The following IL1R1 variants were observed in gnomAD, a reference collection of about 807,000 sequenced individuals.
The protein encoded by IL1R1 is interleukin-1 receptor type 1.
A neutral mutation model predicts 50.2 loss-of-function variants in IL1R1; 22 were observed. That is an observed-to-expected ratio of 0.44 (90% CI 0.31 to 0.63). The LOEUF is 0.63. Ranked by LOEUF, IL1R1 falls within the 20% of genes least tolerant of loss-of-function variation. The probability of loss-of-function intolerance (pLI) is 0.07; values close to 1 mark genes in which losing one functional copy is unlikely to be tolerated. For missense variants in IL1R1, 509 were observed against 676.2 expected (o/e 0.75, Z 2.74); for synonymous variants, 251 against 236.7 (o/e 1.06, Z -0.55).
intron 1 of IL1R1, among the ~76,000 whole-genome samples, chr2:102,137,044 C>A (rs1352664015): frequency 6.6e-6 from 1 of 152,174 alleles, no homozygotes; most frequent in African/African-American, 2.4e-5. Flanking sequence ...AAAACTAAAC[C>A]TATTTGACCA....
At position 102,165,146 on chromosome 2, in the gene IL1R1, A is replaced by C. The variant is rs1326062963; in HGVS notation, c.328A>C (p.Ser110Arg). Residue 110 changes from serine (S) to arginine (R), a missense_variant, in exon 5 of 12, where the codon AGT (serine) becomes CGT (arginine). Ser to Arg is a moderately radical substitution (Grantham distance 110). Transcript: ENST00000410023. ...NSSYCLRIKI[S>R]AKFVENEPNL... ...ATCTTACTGCCTCAGAATTAAAATA[A>C]GTGCAAAATTTGTGGAGAATGAGCC... is the stretch of plus-strand genomic sequence containing the variant. The C allele has an allele frequency of 6.3e-7, 1 of 1,578,626 alleles. No individual in the cohort carries two copies. Among genetic ancestry groups the C allele is most frequent in the Non-Finnish European group, 8.6e-7 (1 of 1,168,712 alleles).
intron 10 of IL1R1, among the ~76,000 whole-genome samples, 178 bp downstream of exon 10, chr2:102,174,908 C>G (rs922305508): frequency 6.6e-6 from 1 of 152,096 alleles, no homozygotes; most frequent in African/African-American, 2.4e-5. Context: ...GGCTGAATAT[C>G]ATTGTTTTCT....
At chr2:102,124,962 G>A (rs936651261) in intron 1 of IL1R1, among the ~76,000 whole-genome samples, 2 of 152,044 alleles carry the variant, frequency 1.3e-5, no homozygotes, top group Non-Finnish European at 2.9e-5. Context: ...CCACTATCAC[G>A]AGAACAGCAT....
intron 1 of IL1R1, among the ~76,000 whole-genome samples, chr2:102,130,066 C>T (rs2104413696): frequency 6.6e-6 from 1 of 152,254 alleles, no homozygotes; most frequent in Admixed American, 6.5e-5. Flanking sequence ...TTCTGGAAAT[C>T]TCTTTAATGC....
intron 1 of IL1R1, among the ~76,000 whole-genome samples, chr2:102,108,244 G>A (rs78411086): frequency 1.4e-5 from 2 of 145,906 alleles, no homozygotes; most frequent in Non-Finnish European, 3.0e-5. Flanking sequence ...GTGTGTGTGG[G>A]GGGGGGTGTG....
intron 1 of IL1R1, among the ~76,000 whole-genome samples, chr2:102,113,817 C>T (rs2104374133): frequency 6.6e-6 from 1 of 152,284 alleles, no homozygotes; most frequent in Admixed American, 6.5e-5. Flanking sequence ...TTCACATTGC[C>T]TCTGTTCCTT....
At chr2:102,172,031 CTTTTTTTTTTTTT>C in intron 8 of IL1R1, 113 bp downstream of exon 8, 3 of 85,320 alleles carry the variant, frequency 3.5e-5, no homozygotes, top group Non-Finnish European at 4.2e-5. Flanking sequence ...CCTTTGCTGC[CTTTTTTTTTTTTT>C]TTTTTTTTTT....
At chr2:102,133,827 A>G (rs1026247225) in intron 1 of IL1R1, among the ~76,000 whole-genome samples, 2 of 152,148 alleles carry the variant, frequency 1.3e-5, no homozygotes, top group African/African-American at 4.8e-5. Flanking sequence ...CTATCCTCCT[A>G]GGATCAGGAA....
Position 102,164,997 on chromosome 2 carries a change from T to C in IL1R1, c.285T>C (p.Tyr95=), listed in dbSNP as rs200441333. The part of the protein sequence containing the change: ...PAKVEDSGHY[Y]CVVRNSSYCL... Reference sequence around the variant, plus strand: ...AGGTGGAGGATTCAGGACATTACTATTGCGTGGTAAGGTAAGAGAGGAATT... The same window carrying C: ...AGGTGGAGGATTCAGGACATTACTACTGCGTGGTAAGGTAAGAGAGGAATT... Residue 95 remains tyrosine, a synonymous_variant, in exon 4 of 12, where the codon TAT becomes TAC. Transcript: ENST00000410023. 14 of 1,612,970 alleles carry C rather than the reference T, an allele frequency of 8.7e-6. No homozygotes were observed. Among genetic ancestry groups the C allele is most frequent in the Non-Finnish European group, 1.2e-5 (14 of 1,179,334 alleles).
At chr2:102,119,076 G>A (rs919567515) in intron 1 of IL1R1, among the ~76,000 whole-genome samples, 3 of 148,192 alleles carry the variant, frequency 2.0e-5, no homozygotes, top group Non-Finnish European at 3.0e-5. Flanking sequence ...TCTATCTCAC[G>A]TTTATTTTAG....
chr2:102,098,227 G>A lies in IL1R1; in HGVS notation c.-84+27694G>A, dbSNP rs904523116. Reference sequence around the variant, plus strand: ...ATATCTATTCTTGATACTCTCTTGGGAAACCAGGAAGAGAGGAGGTCATTC... The same window carrying A: ...ATATCTATTCTTGATACTCTCTTGGAAAACCAGGAAGAGAGGAGGTCATTC... On this transcript the variant is annotated intron_variant, in intron 1 of 11. Coordinates refer to the IL1R1 transcript ENST00000409929. 3.9e-5 allele frequency among the ~76,000 whole-genome samples: 6 copies of A among 152,162 alleles called. No homozygotes were observed. In the South Asian group the frequency reaches 1.0e-3, roughly 26 times the overall value.
intron 1 of IL1R1, among the ~76,000 whole-genome samples, chr2:102,136,051 T>C (rs1415181403): frequency 6.6e-6 from 1 of 152,128 alleles, no homozygotes; most frequent in Non-Finnish European, 1.5e-5. Context: ...TCCTAAGTCT[T>C]TCATGCCATT....
At chr2:102,099,568 G>A (rs960314492), upstream of IL1R1, among the ~76,000 whole-genome samples, 2 of 152,106 alleles carry the variant, frequency 1.3e-5, no homozygotes, top group Non-Finnish European at 2.9e-5. Flanking sequence ...GGAGAGCCTA[G>A]CTGGTCTTCT....
chr2:102,088,380 C>T (rs1276837984), intron 1 of IL1R1, among the ~76,000 whole-genome samples: 1 of 152,076 alleles, frequency 6.6e-6, no homozygotes, highest in African/African-American at 2.4e-5. Context: ...CTTGGATGAC[C>T]AGTTCCCTTG....
intron 3 of IL1R1, among the ~76,000 whole-genome samples, 171 bp downstream of exon 3, chr2:102,157,956 C>T (rs939009215): frequency 3.3e-5 from 5 of 152,330 alleles, no homozygotes; most frequent in African/African-American, 4.8e-5. Flanking sequence ...TCAGCATCTT[C>T]GTCTCATTCT....
intron 3 of IL1R1, among the ~76,000 whole-genome samples, chr2:102,161,661 A>G (rs1252532322): frequency 1.3e-5 from 2 of 152,098 alleles, no homozygotes; most frequent in Admixed American, 6.6e-5. Flanking sequence ...GTTCCTGTTG[A>G]TTAATGACTT....
chr2:102,147,248 A>G (rs1683217584), intron 1 of IL1R1, among the ~76,000 whole-genome samples: 1 of 152,218 alleles, frequency 6.6e-6, no homozygotes, highest in Non-Finnish European at 1.5e-5. Flanking sequence ...ACCATGAGCA[A>G]TATGGTGAAA....
intron 3 of IL1R1, among the ~76,000 whole-genome samples, chr2:102,159,595 GT>G (rs1019139708): frequency 6.6e-6 from 1 of 152,214 alleles, no homozygotes; most frequent in Non-Finnish European, 1.5e-5. Context: ...GCTTTAGGCA[GT>G]TGTAAAAAAC....
At chr2:102,099,335 C>T (rs932794392) in intron 1 of IL1R1, among the ~76,000 whole-genome samples, 2 of 152,154 alleles carry the variant, frequency 1.3e-5, no homozygotes, top group Non-Finnish European at 2.9e-5. Context: ...TGTTCGTACC[C>T]ATCCAGTGGC....
Sources: allele counts gnomAD v4.1 joint callset (sites outside exome capture counted in the v4.1 genomes callset), GRCh38; gene constraint gnomAD v4.1.1; transcripts MANE v1.5; gene names NCBI Gene and HGNC (gene_info 2026-07-23, HGNC 2026-07-21).